LILRB1: variants seen among roughly 807,000 people sequenced by gnomAD.
LILRB1 encodes leukocyte immunoglobulin-like receptor subfamily B member 1.
Under a neutral mutation model 74.6 loss-of-function variants are expected in LILRB1, and 59 were observed. The ratio of observed to expected loss-of-function variants is 0.79; its 90% CI spans 0.64 to 0.98. The LOEUF (loss-of-function observed/expected upper bound fraction) is 0.98. Among genes scored for constraint, LILRB1 ranks in the 50% least tolerant of loss-of-function variants. LILRB1 has a pLI of 0.00. For missense variants in LILRB1, 804 were observed against 822.6 expected (o/e 0.98, Z 0.28); for synonymous variants, 328 against 333.9 (o/e 0.98, Z 0.19).
upstream of LILRB1, among the ~76,000 whole-genome samples, chr19:54,626,602 T>C (rs569030346): frequency 8.0e-5 from 9 of 112,498 alleles, no homozygotes; most frequent in Non-Finnish European, 4.4e-5. Flanking sequence ...TTCAGCTGTG[T>C]CTTGTTCTTG....
chr19:54,632,695 A>G lies in LILRB1; in HGVS notation c.893A>G (p.Tyr298Cys), dbSNP rs563262541. The G allele has an allele frequency of 1.3e-6, 2 of 1,580,252 alleles. No individual in the cohort carries two copies. The highest frequency in any genetic ancestry group is 1.7e-6 in the Non-Finnish European group (2 of 1,167,916). Residue 298 changes from tyrosine (Y) to cysteine (C), a missense_variant, in exon 6 of 15, where the codon TAC becomes TGC. Physicochemically the swap from Tyr to Cys is radical, Grantham distance 194. Coordinates refer to ENST00000324602, the MANE Select transcript of LILRB1 (RefSeq NM_001081637.3). Reference sequence around the variant, plus strand: ...TCCTACGGGGGCCAGTACAGATGCTACGGTGCACACAACCTCTCCTCCGAG... The same window carrying G: ...TCCTACGGGGGCCAGTACAGATGCTGCGGTGCACACAACCTCTCCTCCGAG... ...SRSYGGQYRC[Y>C]GAHNLSSEWS...
At chr19:54,616,869 G>A (rs1480945282), upstream of LILRB1, among the ~76,000 whole-genome samples, 1 of 152,150 alleles carries the variant, frequency 6.6e-6, no homozygotes, top group African/African-American at 2.4e-5. Context: ...GTGCTTGTGG[G>A]AATGTCTGGG....
chr19:54,633,426 G>A, intron 7 of LILRB1, 108 bp downstream of exon 7: 8 of 1,435,708 alleles, frequency 5.6e-6, no homozygotes, highest in Non-Finnish European at 7.6e-6. Context: ...GAGGGGCTCA[G>A]CCAGTGGGAG....
intron 1 of LILRB1, among the ~76,000 whole-genome samples, chr19:54,623,997 G>A (rs2063516968): frequency 6.6e-6 from 1 of 152,192 alleles, no homozygotes; most frequent in African/African-American, 2.4e-5. Flanking sequence ...TTAAGGGTAA[G>A]AGCCACCCTC....
rs866926837 is a variant in LILRB1, at chr19:54,632,055, G to A, written c.479G>A (p.Gly160Glu). The A allele has an allele frequency of 2.5e-6, 4 of 1,614,132 alleles. No homozygotes were observed. The East Asian group carries it at 8.9e-5, about 36-fold the overall frequency. ...GATGGCTTCATTCTGTGTAAGGAAG[G>A]AGAAGATGAACACCCACAATGCCTG... Reference protein sequence around the residue: ...AFDGFILCKEGEDEHPQCLNS... With the variant: ...AFDGFILCKEEEDEHPQCLNS... Residue 160 changes from glycine to glutamate, a missense_variant, in exon 5 of 15, where the codon GGA becomes GAA. Gly to Glu is a moderately conservative substitution (Grantham distance 98). Coordinates refer to ENST00000324602, the MANE Select transcript of LILRB1 (RefSeq NM_001081637.3).
At chr19:54,636,207 A>G (rs1369123093) in intron 13 of LILRB1, 2 of 601,174 alleles carry the variant, frequency 3.3e-6, no homozygotes, top group Non-Finnish European at 6.1e-6. Context: ...CGATCCTCTG[A>G]TGGACGAGCC....
rs2063956324 is a variant in LILRB1 at position 54,632,405 on chromosome 19, G to T, written c.662-59G>T. Reference sequence around the variant, plus strand: ...CAGTGATGTGGCCCCGGGGGAAAGGGAAGATTTGTGGGGAAGCCTGAGGGT... The same window carrying T: ...CAGTGATGTGGCCCCGGGGGAAAGGTAAGATTTGTGGGGAAGCCTGAGGGT... On this transcript the variant is annotated intron_variant, in intron 5 of 14. Transcript: ENST00000324602. 3.2e-6 allele frequency: 5 copies of T among 1,555,212 alleles called. No individual in the cohort carries two copies. The East Asian group carries it at 6.8e-5, about 21-fold the overall frequency.
intron 6 of LILRB1, 111 bp from the exon 7 acceptor site, chr19:54,632,905 A>T (rs567411537): frequency 2.6e-6 from 4 of 1,542,246 alleles, no homozygotes; most frequent in African/African-American, 2.7e-5. Flanking sequence ...GGGGAGGGGG[A>T]GACTCAGAGA....
At chr19:54,618,223 A>G (rs2063365107) in intron 1 of LILRB1, among the ~76,000 whole-genome samples, 1 of 152,112 alleles carries the variant, frequency 6.6e-6, no homozygotes, top group African/African-American at 2.4e-5. Context: ...TAATGCGTCC[A>G]TGAATCTGTG....
chr19:54,616,628 C>G (rs1374352869), upstream of LILRB1, among the ~76,000 whole-genome samples: 1 of 152,074 alleles, frequency 6.6e-6, no homozygotes, highest in African/African-American at 2.4e-5. Flanking sequence ...ATTTCTTTTT[C>G]TTTCTAGGAA....
intron 13 of LILRB1, 79 bp downstream of exon 13, chr19:54,635,688 TC>T: frequency 6.6e-7 from 1 of 1,509,038 alleles, no homozygotes; most frequent in Non-Finnish European, 9.2e-7. Flanking sequence ...CTGTCCTCCT[TC>T]CCCCGGCTCT....
chr19:54,617,846 A>G (rs1280286132), intron 1 of LILRB1, among the ~76,000 whole-genome samples: 2 of 152,088 alleles, frequency 1.3e-5, no homozygotes, highest in Non-Finnish European at 2.9e-5. Context: ...TCACACTTGT[A>G]TTCCCAGCAC....
chr19:54,628,099 C>T (rs1193598678), upstream of LILRB1, among the ~76,000 whole-genome samples: 3 of 152,088 alleles, frequency 2.0e-5, no homozygotes, highest in South Asian at 2.1e-4. Flanking sequence ...GTATTTGTCC[C>T]GATTGGCTAG....
At chr19:54,633,744 T>G (rs1297134197) in intron 8 of LILRB1, 56 bp downstream of exon 8, 3 of 1,565,112 alleles carry the variant, frequency 1.9e-6, no homozygotes, top group Non-Finnish European at 2.6e-6. Context: ...AGGGCAGCCC[T>G]GGGTCTCCCA....
In LILRB1 at chr19:54,631,541, G is replaced by C. The variant is rs537456486; in HGVS notation, c.112G>C (p.Val38Leu). ...KPTLWAEPGS[V>L]ITQGSPVTLR... ...CACCCTCTGGGCTGAACCAGGCTCTGTGATCACCCAGGGGAGTCCTGTGAC... is the reference window on the plus strand; with the variant it reads ...CACCCTCTGGGCTGAACCAGGCTCTCTGATCACCCAGGGGAGTCCTGTGAC... Residue 38 changes from valine (V) to leucine (L), a missense_variant, in exon 4 of 15, where the codon GTG becomes CTG. Coordinates refer to ENST00000324602, the MANE Select transcript of LILRB1 (RefSeq NM_001081637.3). 6.2e-7 allele frequency: 1 copy of C among 1,614,048 alleles called. No homozygotes were observed. The highest frequency in any genetic ancestry group is 1.7e-5 in the Admixed American group (1 of 60,004).
intron 1 of LILRB1, among the ~76,000 whole-genome samples, chr19:54,625,218 G>A (rs1362111681): frequency 6.8e-6 from 1 of 146,510 alleles, no homozygotes; most frequent in African/African-American, 2.5e-5. Context: ...GGGTGACTGG[G>A]GCCCTGCAGC....
In LILRB1 at chr19:54,632,534, G is replaced by T; in HGVS notation, c.732G>T (p.Leu244=). The T allele has an allele frequency of 6.2e-7, 1 of 1,613,932 alleles. No individual in the cohort carries two copies. The highest frequency in any genetic ancestry group is 8.5e-7 in the Non-Finnish European group (1 of 1,179,884). The change falls in exon 6 of 15, where the codon CTG becomes CTT. Residue 244 remains leucine (L), a synonymous_variant. Transcript: ENST00000324602. ...PIVAPEETLT[L]QCGSDAGYNR... Reference sequence around the variant, plus strand: ...TGGCCCCTGAGGAGACCCTGACTCTGCAGTGTGGCTCTGATGCTGGCTACA... The same window carrying T: ...TGGCCCCTGAGGAGACCCTGACTCTTCAGTGTGGCTCTGATGCTGGCTACA...
Position 54,632,174 on chromosome 19 carries a change from T to A in LILRB1, c.598T>A (p.Tyr200Asn). ...CAGGTGGTGGTACAGGTGCTATGCTTATGACTCGAACTCTCCCTATGAGTG... is the reference window on the plus strand; with the variant it reads ...CAGGTGGTGGTACAGGTGCTATGCTAATGACTCGAACTCTCCCTATGAGTG... Reference protein sequence around the residue: ...SRRWWYRCYAYDSNSPYEWSL... With the variant: ...SRRWWYRCYANDSNSPYEWSL... Residue 200 changes from tyrosine to asparagine, a missense_variant, in exon 5 of 15, where the codon TAT becomes AAT. Coordinates refer to ENST00000324602, the MANE Select transcript of LILRB1 (RefSeq NM_001081637.3). 1 of 1,614,164 alleles carries A rather than the reference T, an allele frequency of 6.2e-7. No homozygotes were observed. Among genetic ancestry groups the A allele is most frequent in the Non-Finnish European group, 8.5e-7 (1 of 1,180,014 alleles).
chr19:54,625,355 G>T (rs1208597390), intron 1 of LILRB1, among the ~76,000 whole-genome samples: 1 of 151,520 alleles, frequency 6.6e-6, no homozygotes, highest in African/African-American at 2.4e-5. Context: ...GCCCACAGAG[G>T]TGCCTGGCCT....
Sources: allele counts gnomAD v4.1 joint callset (sites outside exome capture counted in the v4.1 genomes callset), GRCh38; gene constraint gnomAD v4.1.1; transcripts MANE v1.5; gene names NCBI Gene and HGNC (gene_info 2026-07-23, HGNC 2026-07-21).